The following GALNT14 variants were observed in gnomAD, a reference collection of about 807,000 sequenced individuals.
GALNT14 encodes the protein polypeptide N-acetylgalactosaminyltransferase 14.
Under a neutral mutation model 77.5 loss-of-function variants are expected in GALNT14, and 60 were observed. The observed-to-expected ratio is 0.77, with a 90% CI of 0.63 to 0.96. GALNT14 has a LOEUF of 0.96. Among genes scored for constraint, GALNT14 ranks in the 40% least tolerant of loss-of-function variants. The probability of loss-of-function intolerance (pLI) is 0.00; values close to 1 mark genes in which losing one functional copy is unlikely to be tolerated. For synonymous variants in GALNT14, 280 were observed against 281.7 expected (o/e 0.99, Z 0.06); for missense variants, 710 against 731.0 (o/e 0.97, Z 0.33).
Position 31,130,783 on chromosome 2 carries a change from T to TGTGCGC in GALNT14, c.129+7174_129+7175insGCGCAC, listed in dbSNP as rs1181788023. 1.6e-3 allele frequency among the ~76,000 whole-genome samples: 194 copies of TGTGCGC among 118,626 alleles called. 2 individuals carry two copies. The highest frequency in any genetic ancestry group is 6.8e-3 in the African/African-American group (185 of 27,370). The allele number at this position is 118,626 out of a possible 152,430, so 77.8% of individuals were successfully genotyped here. On this transcript the variant is annotated intron_variant, in intron 1 of 14. Transcript: ENST00000349752. Reference sequence around the variant, plus strand: ...GTGTGTGTGTGTGTGTGTGTGTGTGTGCGCGCGCACCTGTGTGTGTGCCTG... The same window carrying TGTGCGC: ...GTGTGTGTGTGTGTGTGTGTGTGTGTGTGCGCGCGCGCGCACCTGTGTGTGTGCCTG...
At chr2:30,966,135 T>C in intron 3 of GALNT14, 69 bp downstream of exon 3, 1 of 1,227,250 alleles carries the variant, frequency 8.1e-7, no homozygotes, top group Non-Finnish European at 1.2e-6. Flanking sequence ...GCTGGGCACC[T>C]GGGGAGCAGA....
chr2:31,035,618 TACAC>T (rs530565205), intron 1 of GALNT14, among the ~76,000 whole-genome samples: 1,502 of 51,204 alleles, frequency 0.029, 17 homozygotes, highest in African/African-American at 0.066. Context: ...CACACACACC[TACAC>T]ACACACACAC....
chr2:30,993,150 C>G (rs532826835), intron 1 of GALNT14, 143 bp from the exon 2 acceptor site: 1 of 772,136 alleles, frequency 1.3e-6, no homozygotes, highest in African/African-American at 1.8e-5. Context: ...AGAACATAAA[C>G]TAAACCATCA....
intron 1 of GALNT14, among the ~76,000 whole-genome samples, chr2:31,085,069 T>C (rs550066356): frequency 7.3e-5 from 11 of 151,458 alleles, no homozygotes; most frequent in Non-Finnish European, 1.0e-4. Context: ...TTGCACTGCA[T>C]GGGACACAGT....
chr2:30,910,995 A>G lies in GALNT14; in HGVS notation c.1565T>C (p.Met522Thr), dbSNP rs1362719823. The G allele has an allele frequency of 8.1e-6, 13 of 1,613,718 alleles. No homozygotes were observed. In the South Asian group the frequency reaches 9.9e-5, roughly 12 times the overall value. ...IASHLCLDTDMFGDGTENGKE... is the reference protein window; with the variant it reads ...IASHLCLDTDTFGDGTENGKE... ...GCCGTTCTCGGTGCCATCACCGAAC[A>G]TATCTGTATCGAGGCAGAGGTGGGA... The change falls in exon 15 of 15, where the codon ATG becomes ACG. Residue 522 changes from methionine (M) to threonine (T), a missense_variant. Transcript: ENST00000349752.
In GALNT14 at chr2:30,919,333, C is replaced by T. The variant is rs139479594; in HGVS notation, c.1380+4786G>A. Among the ~76,000 whole-genome samples, 23 of 152,220 alleles carry T rather than the reference C, an allele frequency of 1.5e-4. 1 individual carries two copies. In the East Asian group the frequency reaches 4.5e-3, roughly 29 times the overall value. On this transcript the variant is annotated intron_variant, in intron 13 of 14. Coordinates refer to ENST00000349752, the MANE Select transcript of GALNT14 (RefSeq NM_024572.4). ...TTTGCTCCCAAGGTTGACAAGTCAGCCAAGAGAGGAAGGGAAGGCAGGTGA... is the reference window on the plus strand; with the variant it reads ...TTTGCTCCCAAGGTTGACAAGTCAGTCAAGAGAGGAAGGGAAGGCAGGTGA...
At chr2:30,890,415 G>T in the GALNT14 span, among the ~76,000 whole-genome samples, 2 of 152,080 alleles carry the variant, frequency 1.3e-5, no homozygotes, top group Non-Finnish European at 2.9e-5. Context: ...CTCATTTTCT[G>T]TATCTCTGAA....
intron 9 of GALNT14, among the ~76,000 whole-genome samples, chr2:30,934,549 C>G (rs1380194374): frequency 2.0e-5 from 3 of 152,164 alleles, no homozygotes; most frequent in Non-Finnish European, 4.4e-5. Flanking sequence ...GCCTCTACCC[C>G]ATGCCCCACC....
chr2:31,096,090 C>T (rs1207386354), intron 1 of GALNT14, among the ~76,000 whole-genome samples: 9 of 152,140 alleles, frequency 5.9e-5, no homozygotes, highest in Non-Finnish European at 2.9e-5. Flanking sequence ...AAGCCAGCAA[C>T]AATGGATCGA....
intron 1 of GALNT14, among the ~76,000 whole-genome samples, chr2:31,126,259 G>A (rs965220303): frequency 4.6e-5 from 7 of 152,186 alleles, no homozygotes; most frequent in African/African-American, 1.7e-4. Flanking sequence ...CTAAAGGCAA[G>A]TTGCAAAGGG....
At chr2:31,109,783 T>C (rs536840843) in intron 1 of GALNT14, among the ~76,000 whole-genome samples, 4 of 152,154 alleles carry the variant, frequency 2.6e-5, no homozygotes, top group African/African-American at 4.8e-5. Flanking sequence ...GGAAATGGAG[T>C]GTGTCTAAAT....
intron 2 of GALNT14, among the ~76,000 whole-genome samples, chr2:30,988,434 T>C (rs940247091): frequency 7.9e-5 from 12 of 151,862 alleles, no homozygotes; most frequent in South Asian, 4.2e-4. Context: ...TGCCAATTGC[T>C]AGGAGGATGG....
chr2:30,920,732 G>A (rs1452937385), intron 13 of GALNT14, among the ~76,000 whole-genome samples: 1 of 151,930 alleles, frequency 6.6e-6, no homozygotes, highest in Non-Finnish European at 1.5e-5. Flanking sequence ...GTCCCATGTG[G>A]GTTTAACACC....
chr2:30,942,624 G>C (rs1460979672), intron 8 of GALNT14, among the ~76,000 whole-genome samples: 1 of 152,126 alleles, frequency 6.6e-6, no homozygotes, highest in Non-Finnish European at 1.5e-5. Context: ...CTATTCCGAT[G>C]ACCCAGGGAG....
At chr2:31,039,927 A>C (rs536401104) in intron 1 of GALNT14, among the ~76,000 whole-genome samples, 98 of 152,344 alleles carry the variant, frequency 6.4e-4, no homozygotes, top group African/African-American at 2.2e-3. Flanking sequence ...GCTTATTTTG[A>C]GAAATGGATT....
intron 1 of GALNT14, among the ~76,000 whole-genome samples, chr2:31,061,102 T>C (rs901817439): frequency 1.3e-5 from 2 of 152,178 alleles, no homozygotes; most frequent in Admixed American, 6.5e-5. Context: ...CTACCACCCA[T>C]GAACCTGGCC....
At position 30,992,835 on chromosome 2, in the gene GALNT14, T is replaced by C; in HGVS notation, c.299+3A>G. The C allele has an allele frequency of 1.2e-6, 2 of 1,612,588 alleles. No individual in the cohort carries two copies. The highest frequency in any genetic ancestry group is 1.7e-6 in the Non-Finnish European group (2 of 1,178,716). ...GTAACAGAGTGGGAGAAGGAGGAAGTACCTCAGATGGCGAGTGTCCGGGAT... is the reference window on the plus strand; with the variant it reads ...GTAACAGAGTGGGAGAAGGAGGAAGCACCTCAGATGGCGAGTGTCCGGGAT... On this transcript the variant is annotated splice_donor_region_variant and intron_variant, in intron 2 of 14. Coordinates refer to ENST00000349752, the MANE Select transcript of GALNT14 (RefSeq NM_024572.4).
At chr2:31,096,575 A>T (rs1677013716) in intron 1 of GALNT14, among the ~76,000 whole-genome samples, 1 of 152,128 alleles carries the variant, frequency 6.6e-6, no homozygotes, top group South Asian at 2.1e-4. Context: ...GTCTCATTTG[A>T]TCCCTGCACC....
At chr2:31,068,772 G>A (rs1472560361) in intron 1 of GALNT14, among the ~76,000 whole-genome samples, 2 of 152,160 alleles carry the variant, frequency 1.3e-5, no homozygotes, top group African/African-American at 4.8e-5. Flanking sequence ...TGATGAATGG[G>A]TAAACAAAGC....
Sources: allele counts gnomAD v4.1 joint callset (sites outside exome capture counted in the v4.1 genomes callset), GRCh38; gene constraint gnomAD v4.1.1; transcripts MANE v1.5; gene names NCBI Gene and HGNC (gene_info 2026-07-23, HGNC 2026-07-21).